The following SGCG variants were observed in gnomAD, a reference collection of about 807,000 sequenced individuals.
SGCG encodes sarcoglycan gamma, also known as gamma-sarcoglycan.
Under a neutral mutation model 29.3 loss-of-function variants are expected in SGCG, and 26 were observed. That is an observed-to-expected ratio of 0.89 (90% CI 0.65 to 1.23). The LOEUF is 1.23. Among genes scored for constraint, SGCG ranks in the 50% most tolerant of loss-of-function variants. The pLI is 0.00. For missense variants in SGCG, 353 were observed against 356.0 expected (o/e 0.99, Z 0.07); for synonymous variants, 145 against 129.7 (o/e 1.12, Z -0.80).
chr13:23,221,237 G>C (rs905119103), intron 2 of SGCG, among the ~76,000 whole-genome samples: 1 of 152,118 alleles, frequency 6.6e-6, no homozygotes, highest in Non-Finnish European at 1.5e-5. Flanking sequence ...ATAGTTGTTA[G>C]GATAATTAAA....
At chr13:23,216,607 T>G (rs1878438928) in intron 2 of SGCG, among the ~76,000 whole-genome samples, 2 of 152,168 alleles carry the variant, frequency 1.3e-5, no homozygotes, top group African/African-American at 4.8e-5. Context: ...TCTTTGCAAA[T>G]GCACTTGAGT....
At chr13:23,260,175 G>A (rs1480309668) in intron 4 of SGCG, among the ~76,000 whole-genome samples, 1 of 152,146 alleles carries the variant, frequency 6.6e-6, no homozygotes, top group Non-Finnish European at 1.5e-5. Context: ...TTGTGTGGGA[G>A]TCTAAGTCTC....
intron 3 of SGCG, among the ~76,000 whole-genome samples, chr13:23,241,495 GA>G (rs1879513685): frequency 6.6e-6 from 1 of 152,040 alleles, no homozygotes; most frequent in African/African-American, 2.4e-5. Flanking sequence ...CCCAATAAAG[GA>G]AAGTCCAGGA....
At chr13:23,258,322 G>A (rs1880279821) in intron 4 of SGCG, among the ~76,000 whole-genome samples, 1 of 152,068 alleles carries the variant, frequency 6.6e-6, no homozygotes, top group African/African-American at 2.4e-5. Flanking sequence ...GTGAATGGGA[G>A]GTCACTCATG....
At chr13:23,189,602 A>G (rs1026209210) in intron 1 of SGCG, among the ~76,000 whole-genome samples, 3 of 152,234 alleles carry the variant, frequency 2.0e-5, no homozygotes, top group African/African-American at 7.2e-5. Context: ...TCATTGTTAC[A>G]TTATATTCAT....
At chr13:23,178,261 G>A (rs1876623244), upstream of SGCG, among the ~76,000 whole-genome samples, 1 of 152,176 alleles carries the variant, frequency 6.6e-6, no homozygotes, top group African/African-American at 2.4e-5. Flanking sequence ...TCAGGCAGGA[G>A]CAAGGAGGGA....
At chr13:23,161,250 A>G in the SGCG span, among the ~76,000 whole-genome samples, 36 of 152,180 alleles carry the variant, frequency 2.4e-4, no homozygotes, top group Non-Finnish European at 4.4e-4. Flanking sequence ...TAATATTTAC[A>G]TATTTGCATG....
intron 5 of SGCG, among the ~76,000 whole-genome samples, chr13:23,282,822 C>T (rs1367590056): frequency 6.6e-6 from 1 of 152,134 alleles, no homozygotes; most frequent in Non-Finnish European, 1.5e-5. Context: ...GGAGACTGTC[C>T]TGTGCATTGC....
intron 5 of SGCG, among the ~76,000 whole-genome samples, chr13:23,287,345 A>G (rs1881532416): frequency 6.6e-6 from 1 of 152,220 alleles, no homozygotes; most frequent in African/African-American, 2.4e-5. Flanking sequence ...AAAGGGAAAG[A>G]GGCCCTTGGC....
chr13:23,269,398 C>T (rs932929158), intron 4 of SGCG, among the ~76,000 whole-genome samples: 10 of 152,154 alleles, frequency 6.6e-5, no homozygotes, highest in African/African-American at 2.2e-4. Context: ...TGGTTGCAGA[C>T]TCAGATCTGA....
chr13:23,310,081 T>C (rs1197699390), intron 6 of SGCG, among the ~76,000 whole-genome samples: 4 of 48,414 alleles, frequency 8.3e-5, no homozygotes, highest in South Asian at 1.3e-3. Flanking sequence ...TTTTTCTCTT[T>C]TTTTTTTTTT....
chr13:23,261,484 A>G (rs1328890817), intron 4 of SGCG, among the ~76,000 whole-genome samples: 1 of 152,120 alleles, frequency 6.6e-6, no homozygotes, highest in African/African-American at 2.4e-5. Flanking sequence ...AAAGAAATGA[A>G]CAAAATCTCT....
At position 23,324,517 on chromosome 13, in the gene SGCG, G is replaced by T; in HGVS notation, c.852G>T (p.Gln284His). The T allele has an allele frequency of 6.2e-7, 1 of 1,612,594 alleles. No individual in the cohort carries two copies. Residue 284 changes from glutamine (Q) to histidine (H), a missense_variant, in exon 8 of 8, where the codon CAG becomes CAT. Gln to His is a conservative substitution (Grantham distance 24). Coordinates refer to ENST00000218867, the MANE Select transcript of SGCG (RefSeq NM_000231.3). ...TGGCCGGTGTGAGCACCACGTGCCAGGAGCACAACCACATCTGCCTCTGAG... is the reference window on the plus strand; with the variant it reads ...TGGCCGGTGTGAGCACCACGTGCCATGAGCACAACCACATCTGCCTCTGAG... ...LSVAGVSTTCQEHNHICL is the reference protein window; with the variant it reads ...LSVAGVSTTCHEHNHICL
intron 7 of SGCG, 115 bp downstream of exon 7, chr13:23,320,875 A>T: frequency 9.1e-7 from 1 of 1,097,788 alleles, no homozygotes; most frequent in Non-Finnish European, 1.4e-6. Flanking sequence ...AACATTGTGA[A>T]GGTCATAGAG....
At chr13:23,312,844 A>ATTTTTTTGT (rs1232110921) in intron 6 of SGCG, among the ~76,000 whole-genome samples, 41 of 152,310 alleles carry the variant, frequency 2.7e-4, no homozygotes, top group African/African-American at 9.9e-4. Flanking sequence ...TGTCTCCAAA[A>ATTTTTTTGT]ACATGTATTA....
At chr13:23,223,295 A>AGT (rs1425701440) in intron 2 of SGCG, among the ~76,000 whole-genome samples, 1 of 145,964 alleles carries the variant, frequency 6.9e-6, no homozygotes, top group Non-Finnish European at 1.5e-5. Flanking sequence ...AAAAAAAAAA[A>AGT]AAAGAGTACA....
At chr13:23,162,449 G>A in the SGCG span, among the ~76,000 whole-genome samples, 6 of 152,084 alleles carry the variant, frequency 3.9e-5, no homozygotes, top group African/African-American at 1.2e-4. Context: ...GTGAAACCCC[G>A]TGTCTACTAA....
At chr13:23,194,106 T>C (rs1877390883) in intron 1 of SGCG, among the ~76,000 whole-genome samples, 1 of 152,232 alleles carries the variant, frequency 6.6e-6, no homozygotes, top group South Asian at 2.1e-4. Context: ...AAGGAGGTTA[T>C]GTGATCCCTC....
At chr13:23,220,989 C>T (rs1035378280) in intron 2 of SGCG, among the ~76,000 whole-genome samples, 21 of 152,234 alleles carry the variant, frequency 1.4e-4, no homozygotes, top group Admixed American at 7.2e-4. Context: ...TTATAAAAAT[C>T]GTATCATTGA....
Sources: allele counts gnomAD v4.1 joint callset (sites outside exome capture counted in the v4.1 genomes callset), GRCh38; gene constraint gnomAD v4.1.1; transcripts MANE v1.5; gene names NCBI Gene and HGNC (gene_info 2026-07-23, HGNC 2026-07-21).